PCDHAC2: variants seen among roughly 807,000 people sequenced by gnomAD.
PCDHAC2 encodes the protein protocadherin alpha-C2.
PCDHAC2 carries 24 observed loss-of-function variants against 63.3 expected under a neutral mutation model. The ratio of observed to expected loss-of-function variants is 0.38; its 90% CI spans 0.27 to 0.53. PCDHAC2 has a LOEUF of 0.53. PCDHAC2 is among the 20% of genes least tolerant of loss of function. The probability of loss-of-function intolerance (pLI) is 0.81; values close to 1 mark genes in which losing one functional copy is unlikely to be tolerated. For missense variants in PCDHAC2, 1,181 were observed against 1,275.2 expected, an observed-to-expected ratio of 0.93 and a Z score of 1.12; for synonymous variants, 569 against 529.4, an observed-to-expected ratio of 1.07 and a Z score of -1.03.
At chr5:140,978,455 G>A (rs782473387) in intron 1 of PCDHAC2, among the ~76,000 whole-genome samples, 21 of 152,302 alleles carry the variant, frequency 1.4e-4, no homozygotes, top group Non-Finnish European at 2.8e-4. Context: ...GGGCACATCC[G>A]CCCTGGGTCA....
Position 140,967,047 on chromosome 5 carries a change from T to C in PCDHAC2, c.281T>C (p.Leu94Pro). The change falls in exon 1 of 4, where the codon CTG becomes CCG. Residue 94 changes from leucine (L) to proline (P), a missense_variant. Leu to Pro is a moderately conservative substitution (Grantham distance 98, BLOSUM62 -3). This residue lies in a region of PCDHAC2 where 210 missense variants were observed against 184.9 expected (regional missense o/e 1.14). Transcript: ENST00000289269. ...AGTCCGCGCTACCTGGAGCTGGACC[T>C]GACGAGTGGAGCGCTCTTCGTCAAC... ...APSPRYLELD[L>P]TSGALFVNER... 5 of 1,612,444 alleles carry C rather than the reference T, an allele frequency of 3.1e-6. No individual in the cohort carries two copies. Among genetic ancestry groups the C allele is most frequent in the Non-Finnish European group, 4.2e-6 (5 of 1,179,596 alleles).
chr5:141,005,814 A>G (rs947359019), intron 3 of PCDHAC2, among the ~76,000 whole-genome samples: 1 of 149,766 alleles, frequency 6.7e-6, no homozygotes, highest in Non-Finnish European at 1.5e-5. Context: ...GGAGCCAGGT[A>G]TGGTGGCCTG....
chr5:140,974,751 G>A (rs530548991), intron 1 of PCDHAC2, among the ~76,000 whole-genome samples: 11 of 152,284 alleles, frequency 7.2e-5, no homozygotes, highest in African/African-American at 2.4e-4. Flanking sequence ...GCCTCCCAAA[G>A]TGCTGGGATT....
intron 3 of PCDHAC2, among the ~76,000 whole-genome samples, chr5:140,989,886 C>T (rs954644773): frequency 1.3e-5 from 2 of 151,784 alleles, no homozygotes. Flanking sequence ...CACTTGGAGT[C>T]TCCGTTATTC....
At chr5:141,001,997 CA>C (rs1587968703) in intron 3 of PCDHAC2, among the ~76,000 whole-genome samples, 1 of 152,190 alleles carries the variant, frequency 6.6e-6, no homozygotes, top group Admixed American at 6.5e-5. Flanking sequence ...AGTTCACTTG[CA>C]AACACAGAAT....
intron 1 of PCDHAC2, among the ~76,000 whole-genome samples, chr5:140,977,515 C>T (rs2096764078): frequency 6.6e-6 from 1 of 152,158 alleles, no homozygotes; most frequent in African/African-American, 2.4e-5. Context: ...ATTTTGTGAA[C>T]TTGAAAACAA....
chr5:140,967,959 G>A lies in PCDHAC2; in HGVS notation c.1193G>A (p.Arg398Gln), dbSNP rs782716187. ...SVNDQDSGPN[R>Q]KVSLGLEATL... ...AATGACCAAGACTCAGGCCCCAACC[G>A]GAAAGTGAGCCTGGGTCTGGAGGCC... The change falls in exon 1 of 4, where the codon CGG becomes CAG. Residue 398 changes from arginine to glutamine, a missense_variant. By Grantham distance (43) the Arg-to-Gln change is conservative (BLOSUM62 1). Around this residue, in one of 3 missense-constraint regions of PCDHAC2, gnomAD observed 968 missense variants for 1,073.5 expected, o/e 0.90. Transcript: ENST00000289269. The A allele has an allele frequency of 1.5e-5, 25 of 1,614,046 alleles. No individual in the cohort carries two copies. Among genetic ancestry groups the A allele is most frequent in the Non-Finnish European group, 1.9e-5 (23 of 1,180,058 alleles).
rs782623559 is a variant in PCDHAC2 at position 141,009,752 on chromosome 5, A to G, written c.2839A>G (p.Ile947Val). The G allele has an allele frequency of 3.1e-6, 5 of 1,614,086 alleles. No homozygotes were observed. Among genetic ancestry groups the G allele is most frequent in the East Asian group, 4.5e-5 (2 of 44,882 alleles). The change falls in exon 4 of 4, where the codon ATC becomes GTC. Residue 947 changes from isoleucine (I) to valine (V), a missense_variant. Physicochemically the swap from Ile to Val is conservative, Grantham distance 29. Around this residue, in one of 3 missense-constraint regions of PCDHAC2, gnomAD observed 968 missense variants for 1,073.5 expected, o/e 0.90. Transcript: ENST00000289269. ...CGGTGAGTTGCCCGACAAATTCATT[A>G]TCCCAGGATCTCCTGCAATCATCTC... ...GPGELPDKFIIPGSPAIISIR... is the reference protein window; with the variant it reads ...GPGELPDKFIVPGSPAIISIR...
chr5:140,995,526 A>G (rs1241973159), intron 3 of PCDHAC2, among the ~76,000 whole-genome samples: 1 of 152,244 alleles, frequency 6.6e-6, no homozygotes, highest in Non-Finnish European at 1.5e-5. Context: ...TCAGAAATCA[A>G]ACCTCAAATA....
At chr5:140,973,492 T>C (rs2096590680) in intron 1 of PCDHAC2, among the ~76,000 whole-genome samples, 1 of 152,192 alleles carries the variant, frequency 6.6e-6, no homozygotes, top group African/African-American at 2.4e-5. Context: ...GTCACAGGAC[T>C]CTTCTTCTGA....
chr5:140,990,869 G>A (rs2097420316), intron 3 of PCDHAC2, among the ~76,000 whole-genome samples: 3 of 152,192 alleles, frequency 2.0e-5, no homozygotes, highest in African/African-American at 4.8e-5. Context: ...TGTATTTTAA[G>A]TGTATGTTCC....
At chr5:140,989,373 C>A (rs1189877807) in intron 3 of PCDHAC2, among the ~76,000 whole-genome samples, 1 of 152,088 alleles carries the variant, frequency 6.6e-6, no homozygotes, top group Non-Finnish European at 1.5e-5. Context: ...TGACTGAGAG[C>A]TTTGTGGGAA....
In PCDHAC2 at chr5:140,982,309, G is replaced by A. The variant is rs1459964622; in HGVS notation, c.2625-166G>A. On this transcript the variant is annotated intron_variant, in intron 2 of 3. Coordinates refer to ENST00000289269, the MANE Select transcript of PCDHAC2 (RefSeq NM_018899.6). Reference sequence around the variant, plus strand: ...TAAGTAAGTCAGCAATGCTTCTGCAGTTTATGCAGGGTGACTGCTCAGCAG... The same window carrying A: ...TAAGTAAGTCAGCAATGCTTCTGCAATTTATGCAGGGTGACTGCTCAGCAG... 5.4e-6 allele frequency: 7 copies of A among 1,306,624 alleles called. No homozygotes were observed. The Admixed American group carries it at 1.8e-4, about 34-fold the overall frequency. The allele number at this position is 1,306,624 out of a possible 1,614,324, so 80.9% of individuals were successfully genotyped here. A position where few individuals can be genotyped will look rare whatever the true frequency, so the allele number is the denominator to read the frequency against.
At chr5:140,993,464 A>T (rs1309811031) in intron 3 of PCDHAC2, among the ~76,000 whole-genome samples, 11 of 28,960 alleles carry the variant, frequency 3.8e-4, no homozygotes, top group South Asian at 2.7e-3. Flanking sequence ...TTTCTTTCTC[A>T]CACACACACA....
intron 3 of PCDHAC2, among the ~76,000 whole-genome samples, chr5:140,999,060 G>A (rs1199782818): frequency 1.3e-5 from 2 of 152,210 alleles, no homozygotes; most frequent in East Asian, 1.9e-4. Context: ...CCATGCCTAA[G>A]TAGTCTCCTT....
At chr5:140,998,405 G>C (rs144117915) in intron 3 of PCDHAC2, among the ~76,000 whole-genome samples, 226 of 152,208 alleles carry the variant, frequency 1.5e-3, no homozygotes, top group African/African-American at 5.2e-3. Flanking sequence ...TTATGCCAAA[G>C]TTTATCTACC....
In PCDHAC2 at chr5:141,010,605, A is replaced by G. The variant is rs2098417765; in HGVS notation, c.*668A>G. ...AAAGTCTGTTGGCTGTGACGTCATT[A>G]TACCTAAAATCTGCATCATACCTGC... On this transcript the variant is annotated 3_prime_UTR_variant, in exon 4 of 4. Transcript: ENST00000289269. 1 of 206,202 alleles carries G rather than the reference A, an allele frequency of 4.8e-6. No individual in the cohort carries two copies. Among genetic ancestry groups the G allele is most frequent in the Non-Finnish European group, 9.9e-6 (1 of 101,122 alleles). 12.8% of individuals were successfully genotyped at this position (206,202 alleles called of 1,614,324 possible). A position where few individuals can be genotyped will look rare whatever the true frequency, so the allele number is the denominator to read the frequency against.
chr5:141,000,383 CTCTCTCTCTCTCTA>C (rs1438422699), intron 3 of PCDHAC2, among the ~76,000 whole-genome samples: 4 of 63,178 alleles, frequency 6.3e-5, no homozygotes, highest in African/African-American at 2.9e-4. Context: ...CTCTCTCTCT[CTCTCTCTCTCTCTA>C]TATATATATA....
intron 3 of PCDHAC2, among the ~76,000 whole-genome samples, chr5:140,996,776 A>G (rs1554255393): frequency 6.6e-6 from 1 of 152,206 alleles, no homozygotes; most frequent in Non-Finnish European, 1.5e-5. Flanking sequence ...TAAAATGAGT[A>G]GTGCCTCACT....
Sources: gnomAD v4.1 joint callset for allele counts (sites outside exome capture counted in the v4.1 genomes callset) on GRCh38, gnomAD v4.1.1 for gene constraint, gnomAD v4.1.1 regional missense constraint, MANE v1.5 for transcripts, NCBI Gene and HGNC (gene_info 2026-07-23, HGNC 2026-07-21) for gene names.